BABAM2: variants seen among roughly 807,000 people sequenced by gnomAD.
BABAM2 encodes BRISC and BRCA1-A complex member 2.
BABAM2 carries 31 observed loss-of-function variants against 54.7 expected under a neutral mutation model. That is an observed-to-expected ratio of 0.57 (90% CI 0.43 to 0.77). The LOEUF is 0.77. Ranked by LOEUF, BABAM2 falls within the 30% of genes least tolerant of loss-of-function variation. BABAM2 has a pLI of 0.00. For missense variants in BABAM2, 364 were observed against 455.8 expected, an observed-to-expected ratio of 0.80 and a Z score of 1.83; for synonymous variants, 167 against 162.9, an observed-to-expected ratio of 1.03 and a Z score of -0.19.
At chr2:28,282,512 C>T (rs1275937489) in intron 10 of BABAM2, among the ~76,000 whole-genome samples, 1 of 152,136 alleles carries the variant, frequency 6.6e-6, no homozygotes, top group Non-Finnish European at 1.5e-5. Context: ...CTTGTAGATA[C>T]AGCATGGGCT....
intron 6 of BABAM2, among the ~76,000 whole-genome samples, chr2:28,055,944 A>G (rs921086821): frequency 1.3e-5 from 2 of 152,228 alleles, no homozygotes; most frequent in African/African-American, 4.8e-5. Context: ...TTGCCACAAC[A>G]TGGGTGAGCC....
At chr2:28,258,293 G>A (rs578036757) in intron 10 of BABAM2, among the ~76,000 whole-genome samples, 13 of 152,162 alleles carry the variant, frequency 8.5e-5, no homozygotes, top group Non-Finnish European at 8.8e-5. Context: ...GGGTAAAAAC[G>A]TAGAAGTGGA....
At chr2:28,327,024 A>G (rs1477756919) in intron 11 of BABAM2, among the ~76,000 whole-genome samples, 1 of 152,198 alleles carries the variant, frequency 6.6e-6, no homozygotes, top group African/African-American at 2.4e-5. Context: ...GTTGGACACT[A>G]TGCTCCAGGC....
In BABAM2 at chr2:28,322,273, G is replaced by C. The variant is rs1690085470; in HGVS notation, c.1089-16177G>C. On this transcript the variant is annotated intron_variant, in intron 11 of 11. Transcript: ENST00000379624. This position sits in a 1 kb window ranked among gnomAD's most constrained non-coding sequence, Gnocchi z 4.1. ...GTGTCCCTGAACTTCGGTGAAGTAT[G>C]AGCCACCAAGCTCCGCCCAAGGGTG... Among the ~76,000 whole-genome samples the C allele has an allele frequency of 6.6e-6, 1 of 152,164 alleles. No individual in the cohort carries two copies. The highest frequency in any genetic ancestry group is 1.5e-5 in the Non-Finnish European group (1 of 68,036).
intron 5 of BABAM2, 27 bp from the exon 6 acceptor site, chr2:28,045,698 C>G (rs1432418226): frequency 1.3e-6 from 2 of 1,577,032 alleles, no homozygotes; most frequent in Admixed American, 3.4e-5. Context: ...TGATTTTAAT[C>G]TTATTATTAT....
chr2:28,056,852 C>T lies in BABAM2; in HGVS notation c.570+11053C>T, dbSNP rs1008086770. 4.6e-5 allele frequency among the ~76,000 whole-genome samples: 7 copies of T among 152,188 alleles called. No homozygotes were observed. The South Asian group carries it at 6.2e-4, about 14-fold the overall frequency. ...TCACTTATTATTGGGAATATAGCATCTTAAATACATTAATATTTTACTGAA... is the reference window on the plus strand; with the variant it reads ...TCACTTATTATTGGGAATATAGCATTTTAAATACATTAATATTTTACTGAA... On this transcript the variant is annotated intron_variant, in intron 6 of 11. Transcript: ENST00000379624.
intron 6 of BABAM2, among the ~76,000 whole-genome samples, chr2:28,128,055 G>A (rs7585476): frequency 0.23 from 34,768 of 151,742 alleles, 4,136 homozygotes; most frequent in South Asian, 0.45. Flanking sequence ...CTCGTGATCC[G>A]CCCGCCTCAG....
At chr2:28,214,456 T>C (rs1679755180) in intron 7 of BABAM2, among the ~76,000 whole-genome samples, 1 of 152,220 alleles carries the variant, frequency 6.6e-6, no homozygotes, top group African/African-American at 2.4e-5. Flanking sequence ...TTGTTGACCT[T>C]GTGTTCATGA....
intron 5 of BABAM2, among the ~76,000 whole-genome samples, chr2:28,033,596 A>G (rs1676453931): frequency 6.6e-6 from 1 of 152,130 alleles, no homozygotes; most frequent in Non-Finnish European, 1.5e-5. Flanking sequence ...CCATTAACCC[A>G]GTAACCCATG....
chr2:28,042,868 CA>C (rs1677218000), intron 5 of BABAM2, among the ~76,000 whole-genome samples: 1 of 151,400 alleles, frequency 6.6e-6, no homozygotes, highest in Admixed American at 6.6e-5. Context: ...ACTGAAAATA[CA>C]AAAAATTAGC....
At chr2:28,026,814 A>ATT (rs1358553332) in intron 5 of BABAM2, among the ~76,000 whole-genome samples, 135 of 88,426 alleles carry the variant, frequency 1.5e-3, no homozygotes, top group African/African-American at 6.4e-3. Context: ...AAATATATAA[A>ATT]TATATATTTA....
At chr2:28,077,724 C>A (rs1664812983) in intron 6 of BABAM2, among the ~76,000 whole-genome samples, 1 of 152,048 alleles carries the variant, frequency 6.6e-6, no homozygotes, top group South Asian at 2.1e-4. Flanking sequence ...AACTCCACCC[C>A]AAAGAAAATT....
intron 6 of BABAM2, among the ~76,000 whole-genome samples, chr2:28,094,986 AATGATTT>A (rs1157299460): frequency 6.7e-6 from 1 of 150,288 alleles, no homozygotes; most frequent in African/African-American, 2.5e-5. Context: ...TTTGTAGGGG[AATGATTT>A]ATGATAGCCA....
intron 7 of BABAM2, among the ~76,000 whole-genome samples, chr2:28,172,134 G>C (rs1211129976): frequency 1.3e-5 from 2 of 151,520 alleles, no homozygotes; most frequent in Non-Finnish European, 2.9e-5. Context: ...GTATAATCCA[G>C]CATACTATCC....
chr2:28,001,557 G>A (rs1454990405), intron 4 of BABAM2, among the ~76,000 whole-genome samples: 1 of 152,174 alleles, frequency 6.6e-6, no homozygotes, highest in Non-Finnish European at 1.5e-5. Context: ...GTGTGTTCTT[G>A]TGTTGCTATT....
At chr2:28,165,528 G>T (rs934322162) in intron 7 of BABAM2, among the ~76,000 whole-genome samples, 52 of 90,324 alleles carry the variant, frequency 5.8e-4, no homozygotes, top group Middle Eastern at 7.0e-3. Context: ...TTTTTTCCTT[G>T]CTTTTTTTTT....
intron 10 of BABAM2, among the ~76,000 whole-genome samples, chr2:28,282,530 C>T (rs1226064083): frequency 6.6e-6 from 1 of 152,174 alleles, no homozygotes; most frequent in Admixed American, 6.5e-5. Context: ...GCTCCAGACA[C>T]AGCAGGCAGG....
chr2:28,276,904 G>C (rs1286469934), intron 10 of BABAM2, among the ~76,000 whole-genome samples: 2 of 152,146 alleles, frequency 1.3e-5, no homozygotes, highest in African/African-American at 4.8e-5. Flanking sequence ...ACATACAGAT[G>C]ATGAGCATTA....
chr2:28,129,338 C>T lies in BABAM2; in HGVS notation c.638C>T (p.Thr213Ile). 6.2e-7 allele frequency: 1 copy of T among 1,614,122 alleles called. No individual in the cohort carries two copies. The highest frequency in any genetic ancestry group is 8.5e-7 in the Non-Finnish European group (1 of 1,179,996). Reference sequence around the variant, plus strand: ...GTTAGTTTTGAGGACACTGAAGCCACCCAGGTGTACCCCAAGCTGTACTTG... The same window carrying T: ...GTTAGTTTTGAGGACACTGAAGCCATCCAGGTGTACCCCAAGCTGTACTTG... The part of the protein sequence containing the change: ...LSVSFEDTEA[T>I]QVYPKLYLSP... Residue 213 changes from threonine to isoleucine, a missense_variant, in exon 7 of 12, where the codon ACC (threonine) becomes ATC (isoleucine). Physicochemically the swap from Thr to Ile is moderately conservative, Grantham distance 89. Coordinates refer to ENST00000379624, the MANE Select transcript of BABAM2 (RefSeq NM_199191.3).
Sources: gnomAD v4.1 joint callset for allele counts (sites outside exome capture counted in the v4.1 genomes callset) on GRCh38, gnomAD v4.1.1 for gene constraint, Gnocchi (gnomAD v3.1) non-coding constraint, MANE v1.5 for transcripts, NCBI Gene and HGNC (gene_info 2026-07-23, HGNC 2026-07-21) for gene names.